ZNF608: variants seen among roughly 807,000 people sequenced by gnomAD.
ZNF608 encodes renal carcinoma antigen NY-REN-36.
Under a neutral mutation model 109.0 loss-of-function variants are expected in ZNF608, and 12 were observed. The observed-to-expected ratio is 0.11, with a 90% CI of 0.07 to 0.18. The LOEUF is 0.18. ZNF608 is among the 10% of genes least tolerant of loss of function. The pLI is 1.00. For synonymous variants in ZNF608, 732 were observed against 717.4 expected, an observed-to-expected ratio of 1.02 and a Z score of -0.33; for missense variants, 1,707 against 1,879.3, an observed-to-expected ratio of 0.91 and a Z score of 1.70.
chr5:124,640,984 T>C (rs949240272), intron 8 of ZNF608, among the ~76,000 whole-genome samples: 1 of 152,190 alleles, frequency 6.6e-6, no homozygotes, highest in Non-Finnish European at 1.5e-5. Flanking sequence ...CCCCAGACAC[T>C]GGCCACCGCC....
In ZNF608 at chr5:124,723,255, C is replaced by T. The variant is rs142598128; in HGVS notation, c.906+20829G>A. Among the ~76,000 whole-genome samples the T allele has an allele frequency of 1.8e-4, 27 of 152,268 alleles. No homozygotes were observed. In the East Asian group the frequency reaches 4.6e-3, roughly 26 times the overall value. On this transcript the variant is annotated intron_variant, in intron 2 of 9. Coordinates refer to ENST00000513986, the MANE Select transcript of ZNF608 (RefSeq NM_020747.3). ...CATTCCTGGTCTCAGGTGATTCACC[C>T]GCCTCTGCCTCCCAAAGTACTGGGA...
Position 124,744,906 on chromosome 5 carries a change from G to A in ZNF608, c.84C>T (p.Ile28=), listed in dbSNP as rs1404754736. Residue 28 remains isoleucine (I), a synonymous_variant, in exon 2 of 10, where the codon ATC becomes ATT. Coordinates refer to ENST00000513986, the MANE Select transcript of ZNF608 (RefSeq NM_020747.3). The surrounding 1 kb of genome is among the most constrained non-coding windows in gnomAD (Gnocchi z 4.5). The part of the protein sequence containing the change: ...DTYDSGDDWE[I]GVGNLIIDLD... ...AATCAATTATTAAATTTCCAACCCC[G>A]ATTTCCCAATCATCGCCACTGTCAT... The A allele has an allele frequency of 2.5e-6, 4 of 1,613,936 alleles. No homozygotes were observed. In the Admixed American group the frequency reaches 5.0e-5, roughly 20 times the overall value.
chr5:124,649,905 C>T lies in ZNF608; in HGVS notation c.1163-208G>A, dbSNP rs148455338. On this transcript the variant is annotated intron_variant, in intron 3 of 9. Coordinates refer to ENST00000513986, the MANE Select transcript of ZNF608 (RefSeq NM_020747.3). ...ATAATGTGTGTTGTGCATTCGTGCG[C>T]GTGCGCATGTGGTACAAAGGAGTGA... Among the ~76,000 whole-genome samples, 614 of 152,294 alleles carry T rather than the reference C, an allele frequency of 4.0e-3. 4 individuals are homozygous for T. The highest frequency in any genetic ancestry group is 6.1e-3 in the Non-Finnish European group (413 of 68,030).
At position 124,648,245 on chromosome 5, in the gene ZNF608, A is replaced by G. The variant is rs768779657; in HGVS notation, c.2139T>C (p.Asp713=). 10 of 1,614,040 alleles carry G rather than the reference A, an allele frequency of 6.2e-6. 1 individual carries two copies. The South Asian group carries it at 1.1e-4, about 18-fold the overall frequency. Residue 713 remains aspartate, a synonymous_variant, in exon 5 of 10, where the codon GAT becomes GAC. Transcript: ENST00000513986. ...EGLIDKKNLG[D]KEKGKKATNC... ...TGGTAGCTTTTTTGCCCTTTTCTTT[A>G]TCTCCTAAATTTTTCTTGTCAATTA... is the stretch of plus-strand genomic sequence containing the variant.
In ZNF608 at chr5:124,647,629, G is replaced by A. The variant is rs1436881675; in HGVS notation, c.2755C>T (p.Leu919=). 3 of 1,614,214 alleles carry A rather than the reference G, an allele frequency of 1.9e-6. No homozygotes were observed. Among genetic ancestry groups the A allele is most frequent in the Non-Finnish European group, 2.5e-6 (3 of 1,180,046 alleles). Residue 919 remains leucine (L), a synonymous_variant, in exon 5 of 10, where the codon CTG becomes TTG. Coordinates refer to ENST00000513986, the MANE Select transcript of ZNF608 (RefSeq NM_020747.3). ...GCCCCATTCTGGGTCAACACATGCA[G>A]AGGTGCCATTGGTGCCTGCCCGTTC... ...LVNGQAPMAP[L]HVLTQNGAES... is the part of the protein sequence containing the mutation.
rs1753393085 is a variant in ZNF608 at position 124,709,226 on chromosome 5, G to A, written c.907-7957C>T. ...TGGGTTCTGCATGGTACTGCTTTGG[G>A]GTGGAGAGGAAAGGGGGTCACTGAC... On this transcript the variant is annotated intron_variant, in intron 2 of 9. Coordinates refer to ENST00000513986, the MANE Select transcript of ZNF608 (RefSeq NM_020747.3). Among the ~76,000 whole-genome samples the A allele has an allele frequency of 2.0e-5, 3 of 149,880 alleles. No homozygotes were observed. In the Admixed American group the frequency reaches 2.0e-4, roughly 10 times the overall value.
intron 6 of ZNF608, among the ~76,000 whole-genome samples, 184 bp from the exon 7 acceptor site, chr5:124,643,867 T>G (rs978621150): frequency 1.3e-5 from 2 of 152,228 alleles, no homozygotes; most frequent in African/African-American, 4.8e-5. Flanking sequence ...AGTTAATTCA[T>G]CCTGATGAAG....
intron 3 of ZNF608, among the ~76,000 whole-genome samples, chr5:124,671,640 TC>T (rs1237365422): frequency 7.4e-6 from 1 of 134,340 alleles, no homozygotes; most frequent in Admixed American, 7.3e-5. Context: ...CTGGGGCTTC[TC>T]TTTTTTTTTT....
At chr5:124,697,362 GT>G (rs1348083958) in intron 3 of ZNF608, among the ~76,000 whole-genome samples, 2 of 151,660 alleles carry the variant, frequency 1.3e-5, no homozygotes, top group African/African-American at 4.8e-5. Flanking sequence ...TTTCTGGTTT[GT>G]TTTGTTATTT....
At chr5:124,654,782 A>G (rs952918068) in intron 3 of ZNF608, among the ~76,000 whole-genome samples, 1 of 152,218 alleles carries the variant, frequency 6.6e-6, no homozygotes, top group Non-Finnish European at 1.5e-5. Context: ...GTCTGGCTGC[A>G]ATGGAAATGG....
rs367817088 is a variant in ZNF608 at position 124,721,258 on chromosome 5, T to A, written c.907-19989A>T. Among the ~76,000 whole-genome samples, 16 of 152,278 alleles carry A rather than the reference T, an allele frequency of 1.1e-4. 1 individual carries two copies. In the East Asian group the frequency reaches 1.9e-3, roughly 18 times the overall value. On this transcript the variant is annotated intron_variant, in intron 2 of 9. Coordinates refer to ENST00000513986, the MANE Select transcript of ZNF608 (RefSeq NM_020747.3). ...AATGTTTTTGCCAACGATCTCTACATGGAAGAAAAGACAAAAGATGTGGAC... is the reference window on the plus strand; with the variant it reads ...AATGTTTTTGCCAACGATCTCTACAAGGAAGAAAAGACAAAAGATGTGGAC...
intron 3 of ZNF608, among the ~76,000 whole-genome samples, chr5:124,693,514 C>A (rs978786547): frequency 6.6e-6 from 1 of 152,084 alleles, no homozygotes; most frequent in Non-Finnish European, 1.5e-5. Context: ...ACAATATCAA[C>A]CAACACAAAA....
chr5:124,695,293 C>A (rs2149842492), intron 3 of ZNF608, among the ~76,000 whole-genome samples: 1 of 152,282 alleles, frequency 6.6e-6, no homozygotes, highest in East Asian at 1.9e-4. Flanking sequence ...TGTACCAACT[C>A]CATGCTGTTA....
intron 3 of ZNF608, among the ~76,000 whole-genome samples, chr5:124,685,822 C>T (rs1473218256): frequency 6.6e-6 from 1 of 152,154 alleles, no homozygotes; most frequent in East Asian, 1.9e-4. Flanking sequence ...TGTTAATTCT[C>T]CTTTGGACTC....
intron 3 of ZNF608, among the ~76,000 whole-genome samples, chr5:124,665,741 C>T (rs1751450518): frequency 6.6e-6 from 1 of 152,170 alleles, no homozygotes; most frequent in Non-Finnish European, 1.5e-5. Context: ...TGTCTCTCAC[C>T]TGATGTAGAA....
intron 3 of ZNF608, among the ~76,000 whole-genome samples, chr5:124,681,970 C>A (rs1023459573): frequency 4.6e-5 from 7 of 152,210 alleles, no homozygotes; most frequent in Non-Finnish European, 1.0e-4. Flanking sequence ...CTTCATGTGA[C>A]CCCATTATCA....
intron 2 of ZNF608, among the ~76,000 whole-genome samples, chr5:124,738,882 C>T (rs1342675463): frequency 1.3e-5 from 2 of 152,204 alleles, no homozygotes; most frequent in Admixed American, 1.3e-4. Flanking sequence ...CAGCCTAGAG[C>T]TGCCACCACG....
At chr5:124,702,387 GCGCAT>G (rs1274365079) in intron 2 of ZNF608, among the ~76,000 whole-genome samples, 1 of 151,714 alleles carries the variant, frequency 6.6e-6, no homozygotes, top group Non-Finnish European at 1.5e-5. Context: ...TGTAAAAAGG[GCGCAT>G]CGAAGATCAT....
chr5:124,712,467 T>C (rs1443308309), intron 2 of ZNF608, among the ~76,000 whole-genome samples: 6 of 151,924 alleles, frequency 3.9e-5, no homozygotes, highest in South Asian at 2.1e-4. Context: ...ATGCAAAGAA[T>C]GTAAAGAGAA....
Sources: allele counts gnomAD v4.1 joint callset (sites outside exome capture counted in the v4.1 genomes callset), GRCh38; gene constraint gnomAD v4.1.1; non-coding constraint Gnocchi (gnomAD v3.1); transcripts MANE v1.5; gene names NCBI Gene and HGNC (gene_info 2026-07-23, HGNC 2026-07-21).